PBX3: variants seen among roughly 807,000 people sequenced by gnomAD.
PBX3 encodes the protein pre-B-cell leukemia transcription factor 3.
PBX3 carries 14 observed loss-of-function variants against 48.5 expected under a neutral mutation model. That is an observed-to-expected ratio of 0.29 (90% CI 0.19 to 0.45). The LOEUF is 0.45. Ranked by LOEUF, PBX3 falls within the 20% of genes least tolerant of loss-of-function variation. PBX3 has a pLI of 1.00. For missense variants in PBX3, 386 were observed against 546.7 expected (o/e 0.71, Z 2.93); for synonymous variants, 210 against 200.3 (o/e 1.05, Z -0.41).
At chr9:125,949,548 C>T in intron 5 of PBX3, 1 of 1,337,180 alleles carries the variant, frequency 7.5e-7, no homozygotes, top group Non-Finnish European at 9.7e-7. Context: ...ATATAGTATT[C>T]TTTACTCCAA....
intron 3 of PBX3, among the ~76,000 whole-genome samples, chr9:125,925,666 C>T (rs1320299628): frequency 6.6e-6 from 1 of 151,850 alleles, no homozygotes; most frequent in Non-Finnish European, 1.5e-5. Flanking sequence ...TTGCCCAGGC[C>T]AGGATATTTT....
chr9:125,868,060 A>C (rs1840032363), intron 2 of PBX3, among the ~76,000 whole-genome samples: 1 of 152,032 alleles, frequency 6.6e-6, no homozygotes, highest in Admixed American at 6.6e-5. Context: ...TTTTTTGTAG[A>C]GACAGGGTCT....
chr9:125,773,531 T>C (rs1836994914), intron 2 of PBX3, among the ~76,000 whole-genome samples: 1 of 152,226 alleles, frequency 6.6e-6, no homozygotes, highest in Admixed American at 6.5e-5. Flanking sequence ...AGGGCAGAGA[T>C]ACTGTGTTTT....
At chr9:125,786,861 A>G (rs747664446) in intron 2 of PBX3, among the ~76,000 whole-genome samples, 6 of 151,682 alleles carry the variant, frequency 4.0e-5, no homozygotes, top group Admixed American at 2.0e-4. Flanking sequence ...AGTAGCTGAG[A>G]TTACAGGTGC....
At chr9:125,845,745 G>A (rs1279363938) in intron 2 of PBX3, among the ~76,000 whole-genome samples, 1 of 151,994 alleles carries the variant, frequency 6.6e-6, no homozygotes, top group Non-Finnish European at 1.5e-5. Context: ...AAAAATGTGA[G>A]TTTATAATAT....
chr9:125,819,878 A>G (rs1207229198), intron 2 of PBX3, among the ~76,000 whole-genome samples: 9 of 152,184 alleles, frequency 5.9e-5, no homozygotes, highest in Non-Finnish European at 1.2e-4. Context: ...TGTGAATATT[A>G]TCTTTTTTTC....
intron 2 of PBX3, among the ~76,000 whole-genome samples, chr9:125,876,466 C>T (rs1371857773): frequency 6.6e-6 from 1 of 152,138 alleles, no homozygotes; most frequent in African/African-American, 2.4e-5. Context: ...GGATGAAGAC[C>T]TTTGTGATGA....
chr9:125,885,282 C>G (rs1334976260), intron 2 of PBX3, among the ~76,000 whole-genome samples: 1 of 151,940 alleles, frequency 6.6e-6, no homozygotes, highest in Non-Finnish European at 1.5e-5. Flanking sequence ...TTTTTCTTTC[C>G]TTTATGGTTT....
intron 2 of PBX3, among the ~76,000 whole-genome samples, chr9:125,866,835 CT>C (rs1196791845): frequency 1.3e-5 from 2 of 152,164 alleles, no homozygotes. Context: ...GTATCCAAAG[CT>C]ATACTTTGGT....
intron 2 of PBX3, among the ~76,000 whole-genome samples, chr9:125,780,668 G>A (rs1837253493): frequency 2.1e-5 from 3 of 141,462 alleles, no homozygotes; most frequent in South Asian, 2.3e-4. Context: ...CCTCCCGGAT[G>A]GGGCGGCTGG....
At chr9:125,935,673 G>A (rs1233069927) in intron 5 of PBX3, 66 bp downstream of exon 5, 6 of 1,395,658 alleles carry the variant, frequency 4.3e-6, no homozygotes, top group Non-Finnish European at 5.9e-6. Flanking sequence ...CTTCCTCAGG[G>A]CATTATTATC....
At chr9:125,845,182 G>A (rs1308833283) in intron 2 of PBX3, among the ~76,000 whole-genome samples, 2 of 151,908 alleles carry the variant, frequency 1.3e-5, no homozygotes, top group East Asian at 1.9e-4. Context: ...TTCCCTAACC[G>A]GTATACTTTT....
chr9:125,938,977 GTA>G (rs1022331645), intron 5 of PBX3, among the ~76,000 whole-genome samples: 2 of 148,684 alleles, frequency 1.3e-5, no homozygotes, highest in Non-Finnish European at 3.0e-5. Context: ...GTGTTTGCAT[GTA>G]TATGTGTGTG....
chr9:125,946,278 G>GCTTCAAGTTGTTT (rs1187502571), intron 5 of PBX3, among the ~76,000 whole-genome samples: 8 of 152,020 alleles, frequency 5.3e-5, no homozygotes, highest in Non-Finnish European at 1.0e-4. Context: ...AGCATCCTAG[G>GCTTCAAGTTGTTT]CTTCAAGTTG....
At chr9:125,779,857 C>CTCCT (rs1837196046) in intron 2 of PBX3, among the ~76,000 whole-genome samples, 1 of 137,874 alleles carries the variant, frequency 7.3e-6, no homozygotes. Flanking sequence ...CGCCCCTCAC[C>CTCCT]TCCCGGACGG....
At chr9:125,948,705 CGTGT>C (rs34522175) in intron 5 of PBX3, among the ~76,000 whole-genome samples, 14 of 148,524 alleles carry the variant, frequency 9.4e-5, no homozygotes, top group South Asian at 2.1e-4. Flanking sequence ...CAGGTATATA[CGTGT>C]GTGTGTGTGT....
Position 125,747,510 on chromosome 9 carries a change from C to T in PBX3, c.57C>T (p.His19=). 6.3e-7 allele frequency: 1 copy of T among 1,588,762 alleles called. No individual in the cohort carries two copies. ...QTLAGVNLAG[H]SVQGGMALPP... is the part of the protein sequence containing the mutation. ...TGGCCGGGGTGAACCTGGCTGGCCACTCGGTGCAGGGGGGCATGGCCCTGC... is the reference window on the plus strand; with the variant it reads ...TGGCCGGGGTGAACCTGGCTGGCCATTCGGTGCAGGGGGGCATGGCCCTGC... The change falls in exon 1 of 9, where the codon CAC becomes CAT. Residue 19 remains histidine, a synonymous_variant. Coordinates refer to ENST00000373489, the MANE Select transcript of PBX3 (RefSeq NM_006195.6).
chr9:125,753,917 A>T (rs1836444116), intron 2 of PBX3, among the ~76,000 whole-genome samples: 1 of 152,138 alleles, frequency 6.6e-6, no homozygotes, highest in African/African-American at 2.4e-5. Context: ...GCAAATTTAA[A>T]TTAACGTATT....
At chr9:125,855,773 T>G (rs937879218) in intron 2 of PBX3, among the ~76,000 whole-genome samples, 2 of 152,184 alleles carry the variant, frequency 1.3e-5, no homozygotes, top group African/African-American at 2.4e-5. Flanking sequence ...GATGAAAGTT[T>G]TGTTTCTGTT....
Sources: allele counts gnomAD v4.1 joint callset (sites outside exome capture counted in the v4.1 genomes callset), GRCh38; gene constraint gnomAD v4.1.1; transcripts MANE v1.5; gene names NCBI Gene and HGNC (gene_info 2026-07-23, HGNC 2026-07-21).